The following E2F3 variants were observed in gnomAD, a reference collection of about 807,000 sequenced individuals.
E2F3 encodes E2F transcription factor 3, also known as transcription factor E2F3.
E2F3 carries 11 observed loss-of-function variants against 44.4 expected under a neutral mutation model. That is an observed-to-expected ratio of 0.25 (90% CI 0.16 to 0.41). The LOEUF (loss-of-function observed/expected upper bound fraction) is 0.41, where lower values mean the gene tolerates loss of function less well. E2F3 is among the 10% of genes least tolerant of loss of function. E2F3 has a pLI of 1.00. For synonymous variants in E2F3, 249 were observed against 253.0 expected (o/e 0.98, Z 0.15); for missense variants, 487 against 583.6 (o/e 0.83, Z 1.70).
At chr6:20,460,923 G>T (rs1366258177) in intron 1 of E2F3, among the ~76,000 whole-genome samples, 1 of 124,618 alleles carries the variant, frequency 8.0e-6, no homozygotes, top group African/African-American at 3.0e-5. Context: ...TTGAACCCAG[G>T]AGATGGAAGT....
At chr6:20,430,018 ATGCTTTGAGTATTC>A (rs1390297043) in intron 1 of E2F3, among the ~76,000 whole-genome samples, 1 of 152,104 alleles carries the variant, frequency 6.6e-6, no homozygotes, top group East Asian at 1.9e-4. Context: ...CTAACTAATC[ATGCTTTGAGTATTC>A]TGCTGTAGTT....
intron 1 of E2F3, among the ~76,000 whole-genome samples, chr6:20,438,662 A>G (rs980295633): frequency 2.6e-5 from 4 of 152,194 alleles, no homozygotes; most frequent in African/African-American, 9.7e-5. Flanking sequence ...ACCTAAGCAC[A>G]GCTTTGGCTG....
In E2F3 at chr6:20,454,861, G is replaced by A. The variant is rs143623975; in HGVS notation, c.394-24985G>A. 3.7e-3 allele frequency among the ~76,000 whole-genome samples: 563 copies of A among 152,296 alleles called. 1 individual carries two copies. Among genetic ancestry groups the A allele is most frequent in the African/African-American group, 0.013 (535 of 41,548 alleles). On this transcript the variant is annotated intron_variant, in intron 1 of 6. Coordinates refer to ENST00000346618, the MANE Select transcript of E2F3 (RefSeq NM_001949.5). Reference sequence around the variant, plus strand: ...TAATTGCCAGCCAGGGTTCAGCTCAGAGCAGTAGTTCTAAAGTTTTTCTGG... The same window carrying A: ...TAATTGCCAGCCAGGGTTCAGCTCAAAGCAGTAGTTCTAAAGTTTTTCTGG...
chr6:20,426,716 G>A (rs1760227654), intron 1 of E2F3, among the ~76,000 whole-genome samples: 1 of 152,176 alleles, frequency 6.6e-6, no homozygotes, highest in Non-Finnish European at 1.5e-5. Flanking sequence ...TTTCCCTCAT[G>A]CCCAGGGCTT....
rs887548111 is a variant in E2F3 at position 20,402,104 on chromosome 6, A to G, written c.-129A>G. 2.3e-4 allele frequency: 313 copies of G among 1,389,346 alleles called. 1 individual carries two copies. The highest frequency in any genetic ancestry group is 2.8e-4 in the Non-Finnish European group (298 of 1,069,452). The allele number at this position is 1,389,346 out of a possible 1,614,324, so 86.1% of individuals were successfully genotyped here. ...GGAAAAATAAAAAGAAAAGAGAGAG[A>G]GGGGGCTCGGAAGCGCCGGGCGGGG... On this transcript the variant is annotated 5_prime_UTR_variant, in exon 1 of 7. Transcript: ENST00000346618. The surrounding 1 kb of genome is among the most constrained non-coding windows in gnomAD (Gnocchi z 5.6).
chr6:20,490,464 T>A lies in E2F3; in HGVS notation c.*34T>A. 6.6e-7 allele frequency: 1 copy of A among 1,516,596 alleles called. No homozygotes were observed. Among genetic ancestry groups the A allele is most frequent in the Non-Finnish European group, 8.8e-7 (1 of 1,131,724 alleles). The allele number at this position is 1,516,596 out of a possible 1,614,324, so 93.9% of individuals were successfully genotyped here. On this transcript the variant is annotated 3_prime_UTR_variant, in exon 7 of 7. Transcript: ENST00000346618. This position sits in a 1 kb window ranked among gnomAD's most constrained non-coding sequence, Gnocchi z 4.3. ...CGTGTGAACTCTCCTTAAAAACCGATATTTTTTTATCATGGAACCAGAACA... is the reference window on the plus strand; with the variant it reads ...CGTGTGAACTCTCCTTAAAAACCGAAATTTTTTTATCATGGAACCAGAACA...
At chr6:20,463,803 G>A (rs552082510) in intron 1 of E2F3, among the ~76,000 whole-genome samples, 7 of 152,152 alleles carry the variant, frequency 4.6e-5, no homozygotes, top group South Asian at 4.1e-4. Context: ...CAGAGATAGC[G>A]TCAGATCCCA....
chr6:20,438,988 C>G (rs1458081548), intron 1 of E2F3, among the ~76,000 whole-genome samples: 1 of 152,056 alleles, frequency 6.6e-6, no homozygotes, highest in African/African-American at 2.4e-5. Flanking sequence ...AAGGAGTTGC[C>G]CAGATTAGAA....
At chr6:20,434,562 G>A (rs1292731642) in intron 1 of E2F3, among the ~76,000 whole-genome samples, 1 of 152,014 alleles carries the variant, frequency 6.6e-6, no homozygotes, top group Non-Finnish European at 1.5e-5. Flanking sequence ...ATGTATCAGT[G>A]GATTTTTCAT....
At chr6:20,403,003 T>TG (rs1232133471) in intron 1 of E2F3, among the ~76,000 whole-genome samples, 3 of 139,068 alleles carry the variant, frequency 2.2e-5, no homozygotes, top group Admixed American at 2.1e-4. Flanking sequence ...GAGAAGGGGG[T>TG]GGGGGAGGGA....
rs544939350 is a variant in E2F3, at chr6:20,454,721, C to A, written c.394-25125C>A. Among the ~76,000 whole-genome samples the A allele has an allele frequency of 6.6e-5, 10 of 152,330 alleles. No individual in the cohort carries two copies. In the East Asian group the frequency reaches 1.9e-3, roughly 29 times the overall value. The stretch of plus-strand genomic sequence containing the variant: ...TTGTTCCTTCTCATCCCTTGCCCCT[C>A]TGCCTTTAAAATTAATTTGATACCA... On this transcript the variant is annotated intron_variant, in intron 1 of 6. Coordinates refer to ENST00000346618, the MANE Select transcript of E2F3 (RefSeq NM_001949.5).
At chr6:20,466,493 T>C (rs961587594) in intron 1 of E2F3, among the ~76,000 whole-genome samples, 4 of 152,228 alleles carry the variant, frequency 2.6e-5, no homozygotes, top group African/African-American at 7.2e-5. Flanking sequence ...TGCATTTCCC[T>C]GATCATTAGT....
At chr6:20,459,182 G>GTC (rs1481469273) in intron 1 of E2F3, among the ~76,000 whole-genome samples, 8 of 152,182 alleles carry the variant, frequency 5.3e-5, no homozygotes, top group African/African-American at 1.9e-4. Flanking sequence ...TGAGGCAGGA[G>GTC]TCTCACTTGA....
At chr6:20,448,092 T>C (rs1256349148) in intron 1 of E2F3, among the ~76,000 whole-genome samples, 1 of 152,246 alleles carries the variant, frequency 6.6e-6, no homozygotes, top group Non-Finnish European at 1.5e-5. Context: ...GGTTTTTTAC[T>C]TGTCCAATCC....
At chr6:20,444,246 A>G (rs912832508) in intron 1 of E2F3, among the ~76,000 whole-genome samples, 1 of 152,266 alleles carries the variant, frequency 6.6e-6, no homozygotes, top group Middle Eastern at 3.4e-3. Flanking sequence ...AGGTTTTTAT[A>G]TGTTAGTGTC....
chr6:20,411,325 T>C (rs1441194615), intron 1 of E2F3, among the ~76,000 whole-genome samples: 2 of 151,424 alleles, frequency 1.3e-5, no homozygotes, highest in East Asian at 3.9e-4. Context: ...AGTGTGTGTA[T>C]ATCAAGGCAG....
At chr6:20,434,513 C>T (rs556004737) in intron 1 of E2F3, among the ~76,000 whole-genome samples, 1 of 152,258 alleles carries the variant, frequency 6.6e-6, no homozygotes, top group Admixed American at 6.5e-5. Context: ...TTTCTTTTCT[C>T]CTACGCCACT....
At chr6:20,433,058 G>A (rs1263295159) in intron 1 of E2F3, among the ~76,000 whole-genome samples, 1 of 152,100 alleles carries the variant, frequency 6.6e-6, no homozygotes. Context: ...AGACTCTTTT[G>A]TTTGCCTAGT....
intron 1 of E2F3, among the ~76,000 whole-genome samples, chr6:20,437,463 ATACAT>A (rs1464376635): frequency 6.6e-6 from 1 of 152,080 alleles, no homozygotes; most frequent in East Asian, 1.9e-4. Context: ...ATTCAAGATC[ATACAT>A]TAAAGAATTG....
Sources: allele counts gnomAD v4.1 joint callset (sites outside exome capture counted in the v4.1 genomes callset), GRCh38; gene constraint gnomAD v4.1.1; non-coding constraint Gnocchi (gnomAD v3.1); transcripts MANE v1.5; gene names NCBI Gene and HGNC (gene_info 2026-07-23, HGNC 2026-07-21).